The following ULK4 variants were observed in gnomAD, a reference collection of about 807,000 sequenced individuals.
ULK4 encodes the protein unc-51 like kinase 4.
A neutral mutation model predicts 160.6 loss-of-function variants in ULK4; 133 were observed. The ratio of observed to expected loss-of-function variants is 0.83; its 90% CI spans 0.72 to 0.96. The LOEUF (loss-of-function observed/expected upper bound fraction) is 0.96, where lower values mean the gene tolerates loss of function less well. Ranked by LOEUF, ULK4 falls within the 40% of genes least tolerant of loss-of-function variation. The pLI, the probability that ULK4 is intolerant of heterozygous loss-of-function variation, is 0.00. For synonymous variants in ULK4, 534 were observed against 539.8 expected, an observed-to-expected ratio of 0.99 and a Z score of 0.15; for missense variants, 1,580 against 1,499.5, an observed-to-expected ratio of 1.05 and a Z score of -0.89.
At chr3:41,354,029 C>T (rs2080978006) in intron 35 of ULK4, among the ~76,000 whole-genome samples, 1 of 152,156 alleles carries the variant, frequency 6.6e-6, no homozygotes, top group African/African-American at 2.4e-5. Flanking sequence ...GATCCCAGAG[C>T]CCTCTGCATG....
At position 41,886,348 on chromosome 3, in the gene ULK4, G is replaced by A. The variant is rs187759701; in HGVS notation, c.1578-2396C>T. On this transcript the variant is annotated intron_variant, in intron 16 of 36. Coordinates refer to ENST00000301831, the MANE Select transcript of ULK4 (RefSeq NM_017886.4). ...ATGAAGGCAGGGCTGTATCCCGATC[G>A]CCACTGTAACACCTGAACAGTTTGT... Among the ~76,000 whole-genome samples, 6 of 152,098 alleles carry A rather than the reference G, an allele frequency of 3.9e-5. No individual in the cohort carries two copies. In the East Asian group the frequency reaches 5.8e-4, roughly 15 times the overall value.
At chr3:41,554,615 G>C (rs558474642) in intron 32 of ULK4, among the ~76,000 whole-genome samples, 2 of 152,254 alleles carry the variant, frequency 1.3e-5, no homozygotes, top group African/African-American at 4.8e-5. Context: ...CATATACCGA[G>C]ATGGAAGGAA....
At chr3:41,793,114 A>C (rs2040199266) in intron 20 of ULK4, among the ~76,000 whole-genome samples, 1 of 152,156 alleles carries the variant, frequency 6.6e-6, no homozygotes, top group Admixed American at 6.5e-5. Context: ...CGGAGGTTGC[A>C]ATGAGCCAAG....
At chr3:41,729,095 G>A (rs78562600) in intron 22 of ULK4, among the ~76,000 whole-genome samples, 4,356 of 152,222 alleles carry the variant, frequency 0.029, 204 homozygotes, top group African/African-American at 0.1. Flanking sequence ...GAAGGAGAAC[G>A]CTGAAGTACA....
At chr3:41,503,021 C>G (rs1290910991) in intron 32 of ULK4, among the ~76,000 whole-genome samples, 3 of 151,664 alleles carry the variant, frequency 2.0e-5, no homozygotes, top group Admixed American at 6.6e-5. Context: ...GATAAATTAG[C>G]CTAAGGAAAA....
intron 35 of ULK4, among the ~76,000 whole-genome samples, chr3:41,277,497 A>T (rs1416219033): frequency 6.6e-6 from 1 of 152,220 alleles, no homozygotes; most frequent in African/African-American, 2.4e-5. Context: ...AAAAACAAAA[A>T]TCACATGATC....
At chr3:41,648,786 A>G (rs2034615776) in intron 30 of ULK4, among the ~76,000 whole-genome samples, 1 of 152,150 alleles carries the variant, frequency 6.6e-6, no homozygotes, top group Non-Finnish European at 1.5e-5. Flanking sequence ...CTTGCTCTCC[A>G]ACATCACCAG....
At chr3:41,679,013 T>C (rs557020386) in intron 29 of ULK4, among the ~76,000 whole-genome samples, 8 of 152,316 alleles carry the variant, frequency 5.3e-5, no homozygotes, top group African/African-American at 1.7e-4. Flanking sequence ...TTTCCAGAGT[T>C]AAGGAGGTTA....
At chr3:41,919,693 T>C in intron 6 of ULK4, 24 bp downstream of exon 6, 2 of 1,590,144 alleles carry the variant, frequency 1.3e-6, no homozygotes, top group East Asian at 2.2e-5. Context: ...GCTCTGATTT[T>C]ATACCTATTC....
intron 35 of ULK4, among the ~76,000 whole-genome samples, chr3:41,360,753 T>C (rs777454741): frequency 2.3e-4 from 35 of 151,880 alleles, no homozygotes; most frequent in South Asian, 8.4e-4. Flanking sequence ...ACAACACACA[T>C]TGGGGCCTGT....
chr3:41,679,054 A>T (rs1431747402), intron 29 of ULK4, among the ~76,000 whole-genome samples: 3 of 151,838 alleles, frequency 2.0e-5, no homozygotes, highest in Admixed American at 6.6e-5. Flanking sequence ...TTCATTTAAA[A>T]TTTTTTTTTA....
intron 22 of ULK4, among the ~76,000 whole-genome samples, chr3:41,744,046 GCAA>G (rs957141307): frequency 3.3e-5 from 5 of 151,910 alleles, no homozygotes; most frequent in African/African-American, 9.7e-5. Context: ...TATGTATATT[GCAA>G]CAACTAGAGC....
intron 17 of ULK4, among the ~76,000 whole-genome samples, chr3:41,867,037 A>G (rs1440870540): frequency 2.0e-5 from 3 of 152,204 alleles, no homozygotes; most frequent in Non-Finnish European, 4.4e-5. Flanking sequence ...ATTTATCAAT[A>G]TGAACTATTG....
intron 27 of ULK4, among the ~76,000 whole-genome samples, chr3:41,691,943 C>CTTTTTTTTTT (rs751734628): frequency 1.0e-5 from 1 of 96,352 alleles, no homozygotes; most frequent in Non-Finnish European, 1.9e-5. Context: ...CAAATCACTT[C>CTTTTTTTTTT]TTTTTTTTTT....
intron 1 of ULK4, among the ~76,000 whole-genome samples, chr3:41,956,768 TAA>T (rs902282556): frequency 5.3e-5 from 8 of 152,218 alleles, no homozygotes; most frequent in African/African-American, 1.9e-4. Context: ...CTTTTGTAAA[TAA>T]AGTTTAATTG....
chr3:41,771,094 C>G lies in ULK4; in HGVS notation c.2194-16606G>C, dbSNP rs7615148. On this transcript the variant is annotated intron_variant, in intron 21 of 36. Coordinates refer to ENST00000301831, the MANE Select transcript of ULK4 (RefSeq NM_017886.4). ...ACACTGAATACTCCAGCTAATAATA[C>G]GGCTTACCATAAGAATAGCTCACTC... Among the ~76,000 whole-genome samples the G allele has an allele frequency of 2.0e-5, 3 of 152,158 alleles. No homozygotes were observed. The East Asian group carries it at 5.8e-4, about 29-fold the overall frequency.
intron 31 of ULK4, among the ~76,000 whole-genome samples, chr3:41,567,513 T>C (rs2087824639): frequency 6.8e-6 from 1 of 146,388 alleles, no homozygotes. Context: ...AGTGGTGCGA[T>C]CTCGGCTCAC....
intron 35 of ULK4, among the ~76,000 whole-genome samples, chr3:41,285,175 T>C (rs540198373): frequency 6.6e-6 from 1 of 152,310 alleles, no homozygotes; most frequent in African/African-American, 2.4e-5. Flanking sequence ...TGGAAAACAG[T>C]GTGGAGATTC....
chr3:41,721,332 A>AT, intron 22 of ULK4, among the ~76,000 whole-genome samples: 1 of 35,570 alleles, frequency 2.8e-5, no homozygotes, highest in Non-Finnish European at 5.1e-5. Context: ...CTTTTAATGT[A>AT]AATATATATA....
Sources: allele counts gnomAD v4.1 joint callset (sites outside exome capture counted in the v4.1 genomes callset), GRCh38; gene constraint gnomAD v4.1.1; transcripts MANE v1.5; gene names NCBI Gene and HGNC (gene_info 2026-07-23, HGNC 2026-07-21).